CDK14: variants seen among roughly 807,000 people sequenced by gnomAD.
CDK14 encodes the protein cyclin dependent kinase 14, also known as cyclin-dependent kinase 14.
In CDK14, 34 loss-of-function variants were observed where a neutral mutation model predicts 60.7. The observed-to-expected ratio is 0.56, with a 90% CI of 0.43 to 0.75. The LOEUF (loss-of-function observed/expected upper bound fraction) is 0.75. CDK14 is among the 30% of genes least tolerant of loss of function. CDK14 has a pLI of 0.00. For missense variants in CDK14, 482 were observed against 564.1 expected (o/e 0.85, Z 1.47); for synonymous variants, 197 against 203.7 (o/e 0.97, Z 0.28).
At chr7:90,679,567 C>T (rs1222087223) in intron 2 of CDK14, among the ~76,000 whole-genome samples, 1 of 152,048 alleles carries the variant, frequency 6.6e-6, no homozygotes, top group African/African-American at 2.4e-5. Context: ...TGCACCAGTC[C>T]CCAAAGCAGT....
chr7:90,808,835 G>T (rs1788972461), intron 5 of CDK14, among the ~76,000 whole-genome samples: 1 of 152,152 alleles, frequency 6.6e-6, no homozygotes, highest in African/African-American at 2.4e-5. Context: ...TGATAAGACA[G>T]ACTTTAAACC....
intron 14 of CDK14, among the ~76,000 whole-genome samples, chr7:91,153,776 T>C (rs1800893084): frequency 6.6e-6 from 1 of 152,080 alleles, no homozygotes; most frequent in South Asian, 2.1e-4. Flanking sequence ...AAATAACTAA[T>C]GGGTACTAGG....
At position 90,733,147 on chromosome 7, in the gene CDK14, G is replaced by A. The variant is rs1179281500; in HGVS notation, c.369+6335G>A. Among the ~76,000 whole-genome samples, 7 of 152,246 alleles carry A rather than the reference G, an allele frequency of 4.6e-5. 1 individual carries two copies. The highest frequency in any genetic ancestry group is 1.3e-4 in the Admixed American group (2 of 15,288). On this transcript the variant is annotated intron_variant, in intron 3 of 14. Transcript: ENST00000380050. The stretch of plus-strand genomic sequence containing the variant: ...TGTTCCGTTTCCATGTACTTATGTG[G>A]TTTTGAGTGAGTTTCTTAATCCTGA...
chr7:90,934,078 T>A (rs1440576516), intron 8 of CDK14, among the ~76,000 whole-genome samples: 1 of 152,252 alleles, frequency 6.6e-6, no homozygotes, highest in Admixed American at 6.5e-5. Flanking sequence ...TCACTCCAGT[T>A]GCAGTCTCCA....
At chr7:91,053,426 C>T (rs1797448593) in intron 11 of CDK14, among the ~76,000 whole-genome samples, 1 of 152,130 alleles carries the variant, frequency 6.6e-6, no homozygotes, top group Non-Finnish European at 1.5e-5. Flanking sequence ...TGCCCACAGA[C>T]CTAGACCTAC....
chr7:91,072,499 C>A (rs1349436919), intron 11 of CDK14, among the ~76,000 whole-genome samples: 1 of 152,112 alleles, frequency 6.6e-6, no homozygotes, highest in South Asian at 2.1e-4. Context: ...CAAAAATGTT[C>A]CCGCAAAAAC....
chr7:90,754,091 A>G (rs1406969240), intron 4 of CDK14, among the ~76,000 whole-genome samples: 1 of 152,232 alleles, frequency 6.6e-6, no homozygotes, highest in Non-Finnish European at 1.5e-5. Flanking sequence ...TTCCTATCAA[A>G]CTGCCAATGT....
At chr7:91,129,074 C>A (rs1334151348) in intron 14 of CDK14, among the ~76,000 whole-genome samples, 1 of 152,186 alleles carries the variant, frequency 6.6e-6, no homozygotes, top group Non-Finnish European at 1.5e-5. Context: ...TTATCATCGT[C>A]TTTTATGTCA....
intron 7 of CDK14, among the ~76,000 whole-genome samples, chr7:90,905,874 T>C (rs1792679940): frequency 6.6e-6 from 1 of 152,168 alleles, no homozygotes; most frequent in Non-Finnish European, 1.5e-5. Flanking sequence ...GGTAAAGCCT[T>C]GTGTTTTGGC....
chr7:90,709,706 A>T lies in CDK14; in HGVS notation c.124-16861A>T. The stretch of plus-strand genomic sequence containing the variant: ...ATACTGAATGTTAGCATGTCCTTTG[A>T]GTTCTTCTCAACAGTTTTTGGTCTT... On this transcript the variant is annotated intron_variant, in intron 2 of 14. Transcript: ENST00000380050. 2.0e-6 allele frequency: 3 copies of T among 1,488,720 alleles called. No homozygotes were observed. The Admixed American group carries it at 6.8e-5, about 34-fold the overall frequency. The allele number at this position is 1,488,720 out of a possible 1,614,324, so 92.2% of individuals were successfully genotyped here.
chr7:91,169,282 T>C (rs1801441857), intron 14 of CDK14, among the ~76,000 whole-genome samples: 1 of 152,266 alleles, frequency 6.6e-6, no homozygotes, highest in East Asian at 1.9e-4. Flanking sequence ...TCGGCAGGAA[T>C]TCTGAGATGT....
chr7:91,033,465 C>T (rs1010007059), intron 10 of CDK14, among the ~76,000 whole-genome samples: 1 of 152,210 alleles, frequency 6.6e-6, no homozygotes, highest in Non-Finnish European at 1.5e-5. Flanking sequence ...TAGAATGCAT[C>T]TTTTAAAGCA....
intron 11 of CDK14, among the ~76,000 whole-genome samples, chr7:91,056,145 T>C (rs558765745): frequency 1.7e-3 from 266 of 152,324 alleles, no homozygotes; most frequent in Non-Finnish European, 2.9e-3. Flanking sequence ...TCCCTCGTCT[T>C]CAAGGTGGGT....
At chr7:90,884,499 G>T (rs1791877989) in intron 6 of CDK14, among the ~76,000 whole-genome samples, 1 of 152,134 alleles carries the variant, frequency 6.6e-6, no homozygotes, top group South Asian at 2.1e-4. Context: ...CATGAAAATG[G>T]CCATACTGTC....
At chr7:90,808,640 C>T (rs1308086614) in intron 5 of CDK14, among the ~76,000 whole-genome samples, 2 of 152,080 alleles carry the variant, frequency 1.3e-5, no homozygotes, top group East Asian at 1.9e-4. Context: ...TGTAAATGGG[C>T]TAAATGCTCC....
At chr7:91,048,748 T>A (rs1797307175) in intron 11 of CDK14, among the ~76,000 whole-genome samples, 2 of 152,242 alleles carry the variant, frequency 1.3e-5, no homozygotes, top group Non-Finnish European at 2.9e-5. Flanking sequence ...TGCATGTGTC[T>A]TGTGATGAGG....
intron 10 of CDK14, among the ~76,000 whole-genome samples, chr7:91,004,808 G>A (rs569097899): frequency 2.0e-5 from 3 of 152,266 alleles, no homozygotes; most frequent in South Asian, 2.1e-4. Context: ...TACCAATCAG[G>A]GTTCAGTCTG....
intron 14 of CDK14, among the ~76,000 whole-genome samples, chr7:91,134,424 A>G (rs1477822160): frequency 6.6e-6 from 1 of 151,710 alleles, no homozygotes; most frequent in South Asian, 2.1e-4. Flanking sequence ...GACCTGAACT[A>G]TTTGCAAAAG....
At chr7:91,020,778 G>A (rs1796413085) in intron 10 of CDK14, among the ~76,000 whole-genome samples, 1 of 152,098 alleles carries the variant, frequency 6.6e-6, no homozygotes, top group African/African-American at 2.4e-5. Flanking sequence ...CCTTTATTTT[G>A]TCACAGTTTC....
Sources: allele counts gnomAD v4.1 joint callset (sites outside exome capture counted in the v4.1 genomes callset), GRCh38; gene constraint gnomAD v4.1.1; transcripts MANE v1.5; gene names NCBI Gene and HGNC (gene_info 2026-07-23, HGNC 2026-07-21).